Variants in TLR6 observed in about 807,000 individuals in gnomAD.
The protein encoded by TLR6 is toll-like receptor 6.
Under a neutral mutation model 16.1 loss-of-function variants are expected in TLR6, and 9 were observed. The ratio of observed to expected loss-of-function variants is 0.56; its 90% confidence interval spans 0.34 to 0.98. TLR6 has a LOEUF of 0.98. Ranked by LOEUF, TLR6 falls within the 50% of genes least tolerant of loss-of-function variation. TLR6 has a pLI of 0.02. For missense variants in TLR6, 786 were observed against 921.0 expected, an observed-to-expected ratio of 0.85 and a Z score of 1.90; for synonymous variants, 340 against 338.6, an observed-to-expected ratio of 1.00 and a Z score of -0.04.
chr4:38,859,134 G>A (rs997248973), upstream of TLR6, among the ~76,000 whole-genome samples: 2 of 152,222 alleles, frequency 1.3e-5, no homozygotes, highest in Non-Finnish European at 2.9e-5. Flanking sequence ...GGTGGGATTC[G>A]AACCCAGGCA....
At chr4:38,829,132 C>T in exon 2 of TLR6, 1 of 1,614,056 alleles carries the variant, frequency 6.2e-7, no homozygotes, top group South Asian at 1.1e-5. Flanking sequence ...GGCAGGATAT[C>T]TTTTGCAACT....
intron 1 of TLR6, among the ~76,000 whole-genome samples, chr4:38,854,932 G>A (rs7681879): frequency 0.16 from 24,093 of 152,080 alleles, 3,737 homozygotes; most frequent in African/African-American, 0.38. Flanking sequence ...AATTATGGCC[G>A]GGCGCAGTGG....
At chr4:38,854,818 T>C (rs1457444293) in intron 1 of TLR6, among the ~76,000 whole-genome samples, 2 of 152,248 alleles carry the variant, frequency 1.3e-5, no homozygotes, top group Admixed American at 6.5e-5. Flanking sequence ...AAAATCAGAA[T>C]GTCTAGTGTA....
intron 1 of TLR6, among the ~76,000 whole-genome samples, chr4:38,830,757 G>A (rs377199629): frequency 2.0e-5 from 3 of 152,210 alleles, no homozygotes; most frequent in East Asian, 3.9e-4. Flanking sequence ...GGGAAAGGGG[G>A]ACAGAATTTG....
intron 1 of TLR6, among the ~76,000 whole-genome samples, chr4:38,853,215 C>T (rs1712838516): frequency 7.9e-6 from 1 of 127,242 alleles, no homozygotes; most frequent in African/African-American, 3.1e-5. Flanking sequence ...GAACATAACA[C>T]ACTGGGGCCT....
In TLR6 at chr4:38,829,056, T is replaced by A; in HGVS notation, c.418A>T (p.Lys140Ter). 6.2e-7 allele frequency: 1 copy of A among 1,614,188 alleles called. No individual in the cohort carries two copies. The highest frequency in any genetic ancestry group is 2.2e-5 in the East Asian group (1 of 44,880). Reference sequence around the variant, plus strand: ...AGTTGTGATAAGTTGCCAAATTCCTTACAGATGGGCAGGGCCTTGAAATCA... The same window carrying A: ...AGTTGTGATAAGTTGCCAAATTCCTAACAGATGGGCAGGGCCTTGAAATCA... Residue 140 changes from lysine to a stop codon, truncating the protein, a stop_gained, in exon 2 of 2, where the codon AAG becomes TAG. Transcript: ENST00000436693. LOFTEE classifies it low-confidence loss of function (END_TRUNC).
chr4:38,849,434 C>A (rs532580624), intron 1 of TLR6, among the ~76,000 whole-genome samples: 3 of 152,222 alleles, frequency 2.0e-5, no homozygotes, highest in South Asian at 4.1e-4. Context: ...ATAATATTAA[C>A]CTTAAATGTA....
At chr4:38,841,157 C>T (rs192296639) in intron 1 of TLR6, among the ~76,000 whole-genome samples, 128 of 150,656 alleles carry the variant, frequency 8.5e-4, no homozygotes, top group African/African-American at 3.0e-3. Context: ...TTCATCTTCA[C>T]ATCATTTCCA....
exon 2 of TLR6, chr4:38,828,144 C>T (rs746367670): frequency 6.2e-7 from 1 of 1,614,196 alleles, no homozygotes. Flanking sequence ...CATCTGAAAA[C>T]AGAGTCAGTA....
chr4:38,851,381 G>A (rs1289760057), intron 1 of TLR6, among the ~76,000 whole-genome samples: 3 of 152,076 alleles, frequency 2.0e-5, no homozygotes, highest in African/African-American at 4.8e-5. Flanking sequence ...TGGAAGTTCT[G>A]GCCAGGGCAA....
exon 2 of TLR6, chr4:38,828,221 C>T (rs762535204): frequency 1.2e-6 from 2 of 1,613,482 alleles, no homozygotes; most frequent in Non-Finnish European, 1.7e-6. Context: ...TTTATGTCTA[C>T]CAGATTCCAA....
At chr4:38,831,036 A>G (rs1711547825) in intron 1 of TLR6, among the ~76,000 whole-genome samples, 1 of 152,036 alleles carries the variant, frequency 6.6e-6, no homozygotes, top group South Asian at 2.1e-4. Flanking sequence ...AGGAAAAAAA[A>G]AAAAAAGAAA....
At chr4:38,845,638 C>T (rs1412230982) in intron 1 of TLR6, among the ~76,000 whole-genome samples, 1 of 152,212 alleles carries the variant, frequency 6.6e-6, no homozygotes, top group African/African-American at 2.4e-5. Flanking sequence ...CCTGGATTCC[C>T]TCCTAGAGCC....
chr4:38,835,075 A>C (rs1171872401), intron 1 of TLR6, among the ~76,000 whole-genome samples: 1 of 152,230 alleles, frequency 6.6e-6, no homozygotes, highest in African/African-American at 2.4e-5. Flanking sequence ...TATACAAAAC[A>C]ACCAGAAAAC....
chr4:38,835,458 C>G (rs888089094), intron 1 of TLR6, among the ~76,000 whole-genome samples: 12 of 152,078 alleles, frequency 7.9e-5, no homozygotes, highest in African/African-American at 2.9e-4. Context: ...ACAGGAACAT[C>G]CAGATATATA....
intron 1 of TLR6, among the ~76,000 whole-genome samples, chr4:38,853,078 G>T (rs1287510799): frequency 1.3e-5 from 2 of 150,996 alleles, no homozygotes; most frequent in African/African-American, 4.9e-5. Context: ...CATGTCCTTT[G>T]TAGGGACATG....
At chr4:38,846,059 T>G (rs1369873038) in intron 1 of TLR6, among the ~76,000 whole-genome samples, 1 of 135,768 alleles carries the variant, frequency 7.4e-6, no homozygotes, top group Non-Finnish European at 1.5e-5. Context: ...GCCGCTGTAC[T>G]CCAGGCTGGG....
intron 1 of TLR6, among the ~76,000 whole-genome samples, chr4:38,853,211 A>C (rs56096463): frequency 0.62 from 82,829 of 134,104 alleles, 26,509 homozygotes; most frequent in African/African-American, 0.81. Flanking sequence ...AAGGGAACAT[A>C]ACACACTGGG....
upstream of TLR6, among the ~76,000 whole-genome samples, chr4:38,860,117 C>A (rs923610062): frequency 6.6e-6 from 1 of 152,070 alleles, no homozygotes; most frequent in Non-Finnish European, 1.5e-5. Flanking sequence ...CTACCAACAG[C>A]TTTAAAGTAA....
Sources: gnomAD v4.1 joint callset for allele counts (sites outside exome capture counted in the v4.1 genomes callset) on GRCh38, gnomAD v4.1.1 for gene constraint, MANE v1.5 for transcripts, NCBI Gene and HGNC (gene_info 2026-07-23, HGNC 2026-07-21) for gene names.